The following PTK2B variants were observed in gnomAD, a reference collection of about 807,000 sequenced individuals.
PTK2B encodes protein-tyrosine kinase 2-beta.
Under a neutral mutation model 142.9 loss-of-function variants are expected in PTK2B, and 71 were observed. The observed-to-expected ratio is 0.50, with a 90% CI of 0.41 to 0.61. The LOEUF (loss-of-function observed/expected upper bound fraction) is 0.61. Among genes scored for constraint, PTK2B ranks in the 20% least tolerant of loss-of-function variants. The pLI is 0.00. For missense variants in PTK2B, 1,105 were observed against 1,320.4 expected, an observed-to-expected ratio of 0.84 and a Z score of 2.53; for synonymous variants, 519 against 503.4, an observed-to-expected ratio of 1.03 and a Z score of -0.42.
At chr8:27,323,614 C>A (rs1458154576), upstream of PTK2B, among the ~76,000 whole-genome samples, 1 of 152,072 alleles carries the variant, frequency 6.6e-6, no homozygotes, top group Non-Finnish European at 1.5e-5. Flanking sequence ...TTTGAGGGCT[C>A]CTGAGGCATT....
intron 1 of PTK2B, among the ~76,000 whole-genome samples, chr8:27,383,123 A>T (rs539264778): frequency 3.9e-5 from 6 of 152,208 alleles, no homozygotes; most frequent in Non-Finnish European, 8.8e-5. Flanking sequence ...TGGGGGTTGC[A>T]TGGAATTCGT....
At chr8:27,412,290 G>T (rs1226660832) in intron 2 of PTK2B, among the ~76,000 whole-genome samples, 2 of 152,160 alleles carry the variant, frequency 1.3e-5, no homozygotes, top group African/African-American at 2.4e-5. Flanking sequence ...TTACCCGGTT[G>T]GTCTTTCCAG....
chr8:27,446,965 A>G (rs865781167), intron 24 of PTK2B, among the ~76,000 whole-genome samples: 16 of 152,236 alleles, frequency 1.1e-4, no homozygotes, highest in African/African-American at 3.4e-4. Flanking sequence ...GTGCTTAACA[A>G]TAATAAACTA....
At chr8:27,355,974 G>T (rs573907414) in intron 1 of PTK2B, among the ~76,000 whole-genome samples, 1 of 150,654 alleles carries the variant, frequency 6.6e-6, no homozygotes, top group Admixed American at 6.6e-5. Flanking sequence ...AGTGAGCCAA[G>T]ATCATGCCAT....
intron 1 of PTK2B, among the ~76,000 whole-genome samples, chr8:27,368,212 G>A (rs1322631850): frequency 6.6e-6 from 1 of 152,198 alleles, no homozygotes; most frequent in Non-Finnish European, 1.5e-5. Context: ...GGAGGGGAAC[G>A]GCTATGTCCC....
intron 28 of PTK2B, 153 bp from the exon 29 acceptor site, chr8:27,454,001 A>C: frequency 9.4e-7 from 1 of 1,060,528 alleles, no homozygotes; most frequent in South Asian, 1.5e-5. Context: ...GACAGAGGCA[A>C]TGCACCCCGG....
At chr8:27,423,959 A>G (rs1333657678) in intron 5 of PTK2B, among the ~76,000 whole-genome samples, 2 of 152,156 alleles carry the variant, frequency 1.3e-5, no homozygotes, top group Non-Finnish European at 2.9e-5. Flanking sequence ...GCTCACTGCC[A>G]TTAGTAATAA....
intron 1 of PTK2B, among the ~76,000 whole-genome samples, chr8:27,361,701 A>G (rs1371780492): frequency 6.6e-6 from 1 of 152,092 alleles, no homozygotes; most frequent in Non-Finnish European, 1.5e-5. Flanking sequence ...TCTTTCTGGT[A>G]TCCCAGGTGG....
intron 1 of PTK2B, among the ~76,000 whole-genome samples, chr8:27,352,632 G>A (rs769486382): frequency 3.3e-5 from 5 of 152,314 alleles, no homozygotes; most frequent in Middle Eastern, 3.4e-3. Context: ...GTTGTGGGAG[G>A]GACCCGGTGG....
At chr8:27,381,104 T>TACCC (rs1806990919) in intron 1 of PTK2B, among the ~76,000 whole-genome samples, 1 of 152,248 alleles carries the variant, frequency 6.6e-6, no homozygotes. Context: ...TACAGAATGA[T>TACCC]ATTTGAATAC....
intron 1 of PTK2B, among the ~76,000 whole-genome samples, chr8:27,393,585 C>G (rs929708442): frequency 6.6e-6 from 1 of 152,122 alleles, no homozygotes; most frequent in Non-Finnish European, 1.5e-5. Context: ...GAGTTGGCTC[C>G]TGAGTGGGCT....
At chr8:27,422,869 A>G (rs1318083985) in intron 5 of PTK2B, among the ~76,000 whole-genome samples, 1 of 152,216 alleles carries the variant, frequency 6.6e-6, no homozygotes, top group East Asian at 1.9e-4. Context: ...AGATGTGTAT[A>G]CAATTAATCA....
intron 1 of PTK2B, among the ~76,000 whole-genome samples, chr8:27,360,526 C>CTCCT (rs367840418): frequency 1.9e-4 from 29 of 152,262 alleles, no homozygotes; most frequent in African/African-American, 7.0e-4. Context: ...AGGTCCCTCC[C>CTCCT]TCCTTCCAGC....
intron 3 of PTK2B, among the ~76,000 whole-genome samples, chr8:27,315,808 G>A (rs1385684285): frequency 6.6e-6 from 1 of 152,154 alleles, no homozygotes; most frequent in East Asian, 1.9e-4. Flanking sequence ...CTACCCAGGG[G>A]CAGGACCTGG....
chr8:27,358,178 C>T (rs146587608), intron 1 of PTK2B, among the ~76,000 whole-genome samples: 2 of 152,296 alleles, frequency 1.3e-5, no homozygotes, highest in African/African-American at 4.8e-5. Flanking sequence ...CTAAATTCCC[C>T]CAGGGCAGCA....
At chr8:27,421,731 A>C (rs971608931) in intron 4 of PTK2B, among the ~76,000 whole-genome samples, 2 of 152,218 alleles carry the variant, frequency 1.3e-5, no homozygotes, top group African/African-American at 4.8e-5. Flanking sequence ...TTGGCTTACA[A>C]AACTTCTGAA....
intron 1 of PTK2B, among the ~76,000 whole-genome samples, chr8:27,381,950 T>C (rs979941485): frequency 3.9e-5 from 6 of 152,242 alleles, no homozygotes; most frequent in African/African-American, 1.4e-4. Context: ...GCCATTTCTA[T>C]GTCTTCTTTG....
intron 20 of PTK2B, among the ~76,000 whole-genome samples, chr8:27,439,860 T>C (rs1263535380): frequency 6.6e-6 from 1 of 152,046 alleles, no homozygotes; most frequent in Admixed American, 6.6e-5. Flanking sequence ...CTCAGATGAG[T>C]CAGGAGCCTG....
At chr8:27,341,406 T>C (rs1339898227) in intron 1 of PTK2B, among the ~76,000 whole-genome samples, 1 of 152,178 alleles carries the variant, frequency 6.6e-6, no homozygotes, top group Non-Finnish European at 1.5e-5. Flanking sequence ...GAAAAAGTGC[T>C]TGTTTTGGGA....
Sources: allele counts gnomAD v4.1 joint callset (sites outside exome capture counted in the v4.1 genomes callset), GRCh38; gene constraint gnomAD v4.1.1; transcripts MANE v1.5; gene names NCBI Gene and HGNC (gene_info 2026-07-23, HGNC 2026-07-21).